The following SLC22A25 variants were observed in gnomAD, a reference collection of about 807,000 sequenced individuals.
The protein encoded by SLC22A25 is MGI:2442751, MGI:2385316, MGI:3042283, MGI:3645714, MGI:3605624, MGI:2442750.
In SLC22A25, 44 loss-of-function variants were observed where a neutral mutation model predicts 45.9. The ratio of observed to expected loss-of-function variants is 0.96; its 90% CI spans 0.75 to 1.23. The LOEUF is 1.23. SLC22A25 is among the 50% of genes most tolerant of loss of function. SLC22A25 has a pLI of 0.00. For missense variants in SLC22A25, 800 were observed against 666.4 expected (o/e 1.20, Z -2.21); for synonymous variants, 283 against 238.6 (o/e 1.19, Z -1.72).
intron 7 of SLC22A25, among the ~76,000 whole-genome samples, chr11:63,188,091 T>C (rs1368673339): frequency 6.6e-6 from 1 of 152,240 alleles, no homozygotes; most frequent in Admixed American, 6.5e-5. Flanking sequence ...CCTTTTCTTC[T>C]ACTGATTGGA....
intron 8 of SLC22A25, among the ~76,000 whole-genome samples, chr11:63,182,883 T>C (rs1158107673): frequency 6.6e-6 from 1 of 152,116 alleles, no homozygotes; most frequent in Non-Finnish European, 1.5e-5. Context: ...TGTATTTTTC[T>C]TGTCTTCATT....
chr11:63,169,336 A>C (rs551004017), intron 9 of SLC22A25, among the ~76,000 whole-genome samples: 1 of 152,336 alleles, frequency 6.6e-6, no homozygotes, highest in Admixed American at 6.5e-5. Flanking sequence ...CTTAAATGTA[A>C]ATGGGCTAAA....
chr11:63,240,733 A>G (rs2090234168), intron 1 of SLC22A25, among the ~76,000 whole-genome samples: 1 of 152,204 alleles, frequency 6.6e-6, no homozygotes. Context: ...GGTCATAATC[A>G]TTAATATCAC....
intron 5 of SLC22A25, among the ~76,000 whole-genome samples, chr11:63,225,361 A>G: frequency 6.6e-6 from 1 of 152,010 alleles, no homozygotes; most frequent in Non-Finnish European, 1.5e-5. Context: ...GAAACTCTTT[A>G]TTTCTCATTC....
Position 63,183,819 on chromosome 11 carries a change from T to G in SLC22A25, c.831-2A>C. On this transcript the variant is annotated splice_acceptor_variant, in intron 7 of 11. Coordinates refer to ENST00000306494, the MANE Select transcript of SLC22A25 (RefSeq NM_199352.6). LOFTEE classifies it high-confidence loss of function. ...CACCGAGCAGACTCTGCCAGCCACC[T>G]GAGCAAAGAAGAGGACAGAGGTGCA... 1 of 1,612,956 alleles carries G rather than the reference T, an allele frequency of 6.2e-7. No homozygotes were observed. The highest frequency in any genetic ancestry group is 1.3e-5 in the African/African-American group (1 of 75,004).
intron 3 of SLC22A25, among the ~76,000 whole-genome samples, chr11:63,230,870 A>G (rs2090054884): frequency 6.6e-6 from 1 of 151,886 alleles, no homozygotes; most frequent in East Asian, 1.9e-4. Context: ...CTCATTGTTC[A>G]ATTCCCACCT....
chr11:63,236,360 G>T (rs1287065157), intron 3 of SLC22A25, among the ~76,000 whole-genome samples: 1 of 152,168 alleles, frequency 6.6e-6, no homozygotes, highest in Non-Finnish European at 1.5e-5. Flanking sequence ...CCCTCCCCCA[G>T]CCTTGCTGCC....
At chr11:63,204,935 A>G (rs1197345470) in intron 7 of SLC22A25, among the ~76,000 whole-genome samples, 1 of 152,208 alleles carries the variant, frequency 6.6e-6, no homozygotes, top group African/African-American at 2.4e-5. Context: ...TGCAAATGCA[A>G]AAGTATGGAA....
intron 7 of SLC22A25, among the ~76,000 whole-genome samples, chr11:63,209,620 T>C (rs1392184303): frequency 6.6e-6 from 1 of 152,124 alleles, no homozygotes; most frequent in Non-Finnish European, 1.5e-5. Context: ...GAGACCAGGA[T>C]ACAAGTTTAT....
intron 7 of SLC22A25, among the ~76,000 whole-genome samples, chr11:63,208,972 G>A (rs1463333279): frequency 6.6e-6 from 1 of 152,080 alleles, no homozygotes; most frequent in Non-Finnish European, 1.5e-5. Context: ...AACTCCTTTG[G>A]AGTGCATGAT....
intron 9 of SLC22A25, among the ~76,000 whole-genome samples, chr11:63,175,352 G>A (rs1378038892): frequency 6.6e-6 from 1 of 151,996 alleles, no homozygotes; most frequent in Non-Finnish European, 1.5e-5. Flanking sequence ...TGACTTGCAT[G>A]TTCCTGACTA....
At chr11:63,176,274 T>C (rs1014945082) in intron 9 of SLC22A25, among the ~76,000 whole-genome samples, 1 of 152,078 alleles carries the variant, frequency 6.6e-6, no homozygotes, top group African/African-American at 2.4e-5. Context: ...GAGATTTTGA[T>C]AGGGATTGCA....
intron 7 of SLC22A25, among the ~76,000 whole-genome samples, chr11:63,186,861 G>A (rs1158819859): frequency 1.3e-5 from 2 of 152,082 alleles, no homozygotes; most frequent in African/African-American, 4.8e-5. Context: ...TTGTAGATAT[G>A]TGGCATTATT....
rs1253932853 is a variant in SLC22A25, at chr11:63,163,308, T to G, written c.*516A>C. 6.6e-6 allele frequency among the ~76,000 whole-genome samples: 1 copy of G among 152,224 alleles called. No homozygotes were observed. On this transcript the variant is annotated 3_prime_UTR_variant, in exon 12 of 12. Coordinates refer to ENST00000306494, the MANE Select transcript of SLC22A25 (RefSeq NM_199352.6). Reference sequence around the variant, plus strand: ...AAAAATTCCTTTACTTATCACTTCTTTTCCCCTTTTCCAACGCTTTTTTTC... The same window carrying G: ...AAAAATTCCTTTACTTATCACTTCTGTTCCCCTTTTCCAACGCTTTTTTTC...
intron 10 of SLC22A25, 60 bp from the exon 11 acceptor site, chr11:63,164,694 C>G: frequency 7.3e-7 from 1 of 1,376,850 alleles, no homozygotes; most frequent in South Asian, 1.2e-5. Flanking sequence ...CAGCATCTCC[C>G]AAGGTAGAAG....
rs200780459 is a variant in SLC22A25 at position 63,212,804 on chromosome 11, T to TAA, written c.830+4508_830+4509dup. ...GTACCCTAAAACTTAAAGTATAATT[T>TAA]AAAAAAAAAAAAATTCTACCATTTT... On this transcript the variant is annotated intron_variant, in intron 7 of 11. Coordinates refer to ENST00000306494, the MANE Select transcript of SLC22A25 (RefSeq NM_199352.6). Among the ~76,000 whole-genome samples the TAA allele has an allele frequency of 5.6e-4, 83 of 148,558 alleles. 1 individual carries two copies. Among genetic ancestry groups the TAA allele is most frequent in the East Asian group, 2.4e-3 (12 of 5,078 alleles).
intron 7 of SLC22A25, among the ~76,000 whole-genome samples, chr11:63,186,501 T>C (rs2088554168): frequency 6.6e-6 from 1 of 151,654 alleles, no homozygotes; most frequent in Non-Finnish European, 1.5e-5. Context: ...GGTTGCCTGT[T>C]CACTCTGATG....
chr11:63,243,462 C>A lies in SLC22A25; in HGVS notation c.-1024G>T, dbSNP rs1449110170. 5 of 760,024 alleles carry A rather than the reference C, an allele frequency of 6.6e-6. No individual in the cohort carries two copies. Among genetic ancestry groups the A allele is most frequent in the East Asian group, 4.9e-5 (2 of 40,672 alleles). The allele number at this position is 760,024 out of a possible 1,614,324, so 47.1% of individuals were successfully genotyped here. A position where few individuals can be genotyped will look rare whatever the true frequency, so the allele number is the denominator to read the frequency against. On this transcript the variant is annotated 5_prime_UTR_variant, in exon 1 of 12. Transcript: ENST00000306494. ...GACTGTTTCTTCGCCAGGATCCCAA[C>A]TTCAAAGTCCCATCTGCAACTCCTG...
At chr11:63,231,184 T>A (rs934347271) in intron 3 of SLC22A25, among the ~76,000 whole-genome samples, 3 of 152,236 alleles carry the variant, frequency 2.0e-5, no homozygotes, top group Non-Finnish European at 4.4e-5. Flanking sequence ...GATGGCTGGG[T>A]CAAATGGTAT....
Sources: gnomAD v4.1 joint callset for allele counts (sites outside exome capture counted in the v4.1 genomes callset) on GRCh38, gnomAD v4.1.1 for gene constraint, MANE v1.5 for transcripts, NCBI Gene and HGNC (gene_info 2026-07-23, HGNC 2026-07-21) for gene names.